Variants in USF1 observed in about 807,000 individuals in gnomAD.
USF1 encodes the protein upstream transcription factor 1.
In USF1, 22 loss-of-function variants were observed where a neutral mutation model predicts 46.3. The observed-to-expected ratio is 0.47, with a 90% CI of 0.34 to 0.68. The LOEUF (loss-of-function observed/expected upper bound fraction) is 0.68. USF1 is among the 30% of genes least tolerant of loss of function. The pLI, the probability that USF1 is intolerant of heterozygous loss-of-function variation, is 0.01. For missense variants in USF1, 287 were observed against 399.3 expected, an observed-to-expected ratio of 0.72 and a Z score of 2.40; for synonymous variants, 150 against 147.0, an observed-to-expected ratio of 1.02 and a Z score of -0.15.
intron 3 of USF1, 78 bp downstream of exon 3, chr1:161,042,755 T>C (rs1357830662): frequency 4.4e-5 from 71 of 1,611,576 alleles, no homozygotes; most frequent in Non-Finnish European, 5.9e-5. Flanking sequence ...AGGAGGAGGA[T>C]GCACAGGAGA....
In USF1 at chr1:161,043,321, G is replaced by A; in HGVS notation, c.-46C>T. ...CCGAGGAACTGGTCCTTTTTTGGAG[G>A]TCTTTGTATCTCCTGATTCACAGGC... On this transcript the variant is annotated 5_prime_UTR_variant, in exon 2 of 11. Coordinates refer to ENST00000368021, the MANE Select transcript of USF1 (RefSeq NM_007122.5). 3 of 1,614,012 alleles carry A rather than the reference G, an allele frequency of 1.9e-6. No homozygotes were observed. Among genetic ancestry groups the A allele is most frequent in the Non-Finnish European group, 2.5e-6 (3 of 1,179,978 alleles).
At chr1:161,042,711 C>T (rs1300324177) in intron 3 of USF1, 41 bp from the exon 4 acceptor site, 2 of 1,612,420 alleles carry the variant, frequency 1.2e-6, no homozygotes, top group Non-Finnish European at 1.7e-6. Flanking sequence ...GAGTTAACTG[C>T]CTTTCTACCC....
Position 161,039,768 on chromosome 1 carries a change from CAT to C in USF1, c.*150_*151del. 1.3e-6 allele frequency: 1 copy of C among 748,378 alleles called. No individual in the cohort carries two copies. Among genetic ancestry groups the C allele is most frequent in the Non-Finnish European group, 2.2e-6 (1 of 462,126 alleles). 46.4% of individuals were successfully genotyped at this position (748,378 alleles called of 1,614,324 possible). ...TGTGTTTCACACCACTGCAGGCCGCCATATCACAGGGCCTCAGTTCAAGGACA... is the reference window on the plus strand; with the variant it reads ...TGTGTTTCACACCACTGCAGGCCGCCATCACAGGGCCTCAGTTCAAGGACA... On this transcript the variant is annotated 3_prime_UTR_variant, in exon 11 of 11. Transcript: ENST00000368021.
At position 161,041,831 on chromosome 1, in the gene USF1, C is replaced by G; in HGVS notation, c.292G>C (p.Ala98Pro). 1.2e-6 allele frequency: 2 copies of G among 1,609,640 alleles called. No individual in the cohort carries two copies. The highest frequency in any genetic ancestry group is 2.2e-5 in the South Asian group (2 of 90,962). ...TCAACTGCATCATCACTGGTGAAAGCACCCTGGATCACCGCCTGGGAAGGG... is the reference window on the plus strand; with the variant it reads ...TCAACTGCATCATCACTGGTGAAAGGACCCTGGATCACCGCCTGGGAAGGG... ...QSMTQAVIQGAFTSDDAVDTE... is the reference protein window; with the variant it reads ...QSMTQAVIQGPFTSDDAVDTE... Residue 98 changes from alanine to proline, a missense_variant, in exon 6 of 11, where the codon GCT (alanine) becomes CCT (proline). By Grantham distance (27) the Ala-to-Pro change is conservative. Coordinates refer to ENST00000368021, the MANE Select transcript of USF1 (RefSeq NM_007122.5).
Position 161,043,142 on chromosome 1 carries a change from C to T in USF1, c.8+126G>A, listed in dbSNP as rs548553025. 37 of 1,539,782 alleles carry T rather than the reference C, an allele frequency of 2.4e-5. No homozygotes were observed. The African/African-American group carries it at 3.8e-4, about 16-fold the overall frequency. ...TTTTATAGATAGAGAAACCAAATCA[C>T]ACAGTAAGTGATAGAGTAGAACCTG... On this transcript the variant is annotated intron_variant, in intron 2 of 10. Transcript: ENST00000368021.
At chr1:161,043,014 GTGTTTAC>G in intron 2 of USF1, 132 bp from the exon 3 acceptor site, 2 of 1,328,426 alleles carry the variant, frequency 1.5e-6, no homozygotes, top group African/African-American at 1.4e-5. Flanking sequence ...ATAACAACTA[GTGTTTAC>G]TGTTTACTAT....
Position 161,043,320 on chromosome 1 carries a change from G to A in USF1, c.-45C>T. 1 of 1,614,084 alleles carries A rather than the reference G, an allele frequency of 6.2e-7. No homozygotes were observed. The highest frequency in any genetic ancestry group is 1.1e-5 in the South Asian group (1 of 91,072). ...TCCGAGGAACTGGTCCTTTTTTGGA[G>A]GTCTTTGTATCTCCTGATTCACAGG... is the stretch of plus-strand genomic sequence containing the variant. On this transcript the variant is annotated 5_prime_UTR_variant, in exon 2 of 11. Transcript: ENST00000368021.
intron 2 of USF1, 115 bp from the exon 3 acceptor site, chr1:161,042,997 G>A: frequency 6.9e-7 from 1 of 1,453,124 alleles, no homozygotes; most frequent in Non-Finnish European, 9.7e-7. Context: ...AGCTGGGTTA[G>A]GTTAGAATAA....
At chr1:161,043,434 A>G (rs1650656468) in intron 1 of USF1, 74 bp from the exon 2 acceptor site, 2 of 1,148,844 alleles carry the variant, frequency 1.7e-6, no homozygotes. Flanking sequence ...CTTAGGTTCC[A>G]TGAACACATA....
chr1:161,041,945 T>TGG (rs909071538), intron 5 of USF1, 99 bp from the exon 6 acceptor site: 2 of 1,362,014 alleles, frequency 1.5e-6, no homozygotes, highest in South Asian at 1.3e-5. Context: ...GTAGGTAGGG[T>TGG]GGAGAGAGAG....
chr1:161,041,261 CAAA>C (rs1181304214), intron 7 of USF1, 60 bp downstream of exon 7: 19,437 of 653,954 alleles, frequency 0.03, no homozygotes, highest in Middle Eastern at 0.032. Flanking sequence ...GACTCTGTCT[CAAA>C]AAAAAAAAAA....
Position 161,040,408 on chromosome 1 carries a change from G to C in USF1, c.715-78C>G, listed in dbSNP as rs1056512171. 4 of 1,596,554 alleles carry C rather than the reference G, an allele frequency of 2.5e-6. No individual in the cohort carries two copies. Among genetic ancestry groups the C allele is most frequent in the South Asian group, 2.2e-5 (2 of 89,080 alleles). ...CTTTCCAAAAGTAGGTTCACACTTT[G>C]GACCTCATTTTCATCTAAGGAAGGT... On this transcript the variant is annotated intron_variant, in intron 9 of 10. Transcript: ENST00000368021. The surrounding 1 kb of genome is among the most constrained non-coding windows in gnomAD (Gnocchi z 4.0).
In USF1 at chr1:161,042,843, C is replaced by A; in HGVS notation, c.48G>T (p.Gln16His). 6.2e-7 allele frequency: 1 copy of A among 1,614,198 alleles called. No individual in the cohort carries two copies. ...GTTTCTAGCACTCACCTTCCTGAAT[C>A]TGCACTGTCCCCTCTTCCGTTTCAG... ...KTAETEEGTV[Q>H]IQEGAVATGE... is the part of the protein sequence containing the mutation. Residue 16 changes from glutamine (Q) to histidine (H), a missense_variant, in exon 3 of 11, where the codon CAG becomes CAT. Transcript: ENST00000368021.
rs756465486 is a variant in USF1, at chr1:161,043,242, C to T, written c.8+26G>A. 14 of 1,614,036 alleles carry T rather than the reference C, an allele frequency of 8.7e-6. No individual in the cohort carries two copies. In the African/African-American group the frequency reaches 1.9e-4, roughly 22 times the overall value. ...TCTTCCAGGCCACCCATCTTTCATC[C>T]CAGACCCTACCTCTTCTTCACTCAC... On this transcript the variant is annotated intron_variant, in intron 2 of 10. Coordinates refer to ENST00000368021, the MANE Select transcript of USF1 (RefSeq NM_007122.5).
Position 161,041,371 on chromosome 1 carries a change from C to G in USF1, c.513G>C (p.Gln171His), listed in dbSNP as rs752361298. The change falls in exon 7 of 11, where the codon CAG (glutamine) becomes CAC (histidine). Residue 171 changes from glutamine (Q) to histidine (H), a missense_variant. Physicochemically the swap from Gln to His is conservative, Grantham distance 24 (BLOSUM62 0). Transcript: ENST00000368021. ...FVMMSPQEVL[Q>H]GGSQRSIAPR... ...GGGCAATTGAGCGCTGGCTTCCTCC[C>G]TGCAGTACTTCTTGTGGTGACATCA... The G allele has an allele frequency of 1.2e-6, 2 of 1,613,748 alleles. No individual in the cohort carries two copies. Among genetic ancestry groups the G allele is most frequent in the East Asian group, 4.5e-5 (2 of 44,900 alleles).
intron 2 of USF1, 108 bp downstream of exon 2, chr1:161,043,160 A>G: frequency 6.3e-7 from 1 of 1,583,386 alleles, no homozygotes; most frequent in South Asian, 1.1e-5. Flanking sequence ...GTGATAGAGT[A>G]GAACCTGAAT....
intron 1 of USF1, among the ~76,000 whole-genome samples, chr1:161,045,315 C>T (rs890264687): frequency 6.6e-6 from 1 of 152,162 alleles, no homozygotes; most frequent in Non-Finnish European, 1.5e-5. Flanking sequence ...AGGGATGGGA[C>T]GTTGTGGTGT....
At position 161,040,965 on chromosome 1, in the gene USF1, A is replaced by G; in HGVS notation, c.561-93T>C. Reference sequence around the variant, plus strand: ...AATTATACAAGATTTAGCAGGTATTAGGACCACTTATGGTAGCTAGGTGTG... The same window carrying G: ...AATTATACAAGATTTAGCAGGTATTGGGACCACTTATGGTAGCTAGGTGTG... On this transcript the variant is annotated intron_variant, in intron 7 of 10. Coordinates refer to ENST00000368021, the MANE Select transcript of USF1 (RefSeq NM_007122.5). This position sits in a 1 kb window ranked among gnomAD's most constrained non-coding sequence, Gnocchi z 4.0. The G allele has an allele frequency of 6.5e-7, 1 of 1,532,320 alleles. No individual in the cohort carries two copies. Among genetic ancestry groups the G allele is most frequent in the Non-Finnish European group, 8.9e-7 (1 of 1,120,566 alleles). 94.9% of individuals were successfully genotyped at this position (1,532,320 alleles called of 1,614,324 possible). A position where few individuals can be genotyped will look rare whatever the true frequency, so the allele number is the denominator to read the frequency against.
intron 1 of USF1, among the ~76,000 whole-genome samples, chr1:161,044,564 A>G (rs951449482): frequency 2.0e-5 from 3 of 152,202 alleles, no homozygotes; most frequent in African/African-American, 4.8e-5. Flanking sequence ...TAGAAACCCT[A>G]AAGCCCAAGT....
Sources: allele counts gnomAD v4.1 joint callset (sites outside exome capture counted in the v4.1 genomes callset), GRCh38; gene constraint gnomAD v4.1.1; non-coding constraint Gnocchi (gnomAD v3.1); transcripts MANE v1.5; gene names NCBI Gene and HGNC (gene_info 2026-07-23, HGNC 2026-07-21).